Variants in CBFB observed in about 807,000 individuals in gnomAD.
CBFB encodes the protein core-binding factor subunit beta.
Under a neutral mutation model 30.4 loss-of-function variants are expected in CBFB, and 9 were observed. That is an observed-to-expected ratio of 0.30 (90% CI 0.18 to 0.52). The LOEUF (loss-of-function observed/expected upper bound fraction) is 0.52, where lower values mean the gene tolerates loss of function less well. Among genes scored for constraint, CBFB ranks in the 20% least tolerant of loss-of-function variants. The probability of loss-of-function intolerance (pLI) is 0.97; values close to 1 mark genes in which losing one functional copy is unlikely to be tolerated. For synonymous variants in CBFB, 94 were observed against 84.0 expected, an observed-to-expected ratio of 1.12 and a Z score of -0.65; for missense variants, 170 against 244.0, an observed-to-expected ratio of 0.70 and a Z score of 2.02.
chr16:67,041,027 C>G (rs914546732), intron 3 of CBFB, among the ~76,000 whole-genome samples: 17 of 152,162 alleles, frequency 1.1e-4, no homozygotes, highest in African/African-American at 3.9e-4. Context: ...TAACAATGAG[C>G]CAGTTCATGT....
intron 4 of CBFB, among the ~76,000 whole-genome samples, chr16:67,068,097 A>G (rs117299924): frequency 9.2e-5 from 14 of 152,296 alleles, no homozygotes; most frequent in Non-Finnish European, 1.9e-4. Flanking sequence ...AAGTCTGCTG[A>G]CTCAAGATGT....
intron 5 of CBFB, chr16:67,093,462 G>A (rs546476654): frequency 4.3e-5 from 6 of 138,594 alleles, no homozygotes; most frequent in Non-Finnish European, 9.0e-5. Flanking sequence ...CCCCCTCCTC[G>A]TGGCTGTTTC....
intron 3 of CBFB, among the ~76,000 whole-genome samples, chr16:67,051,857 C>T (rs141586685): frequency 1.3e-5 from 2 of 150,494 alleles, no homozygotes; most frequent in Non-Finnish European, 3.0e-5. Context: ...TTAAGCTATT[C>T]TCCTGCCTCA....
chr16:67,045,263 C>G (rs1168969212), intron 3 of CBFB, among the ~76,000 whole-genome samples: 1 of 152,082 alleles, frequency 6.6e-6, no homozygotes, highest in African/African-American at 2.4e-5. Context: ...TGCCTGTAAT[C>G]CCAGCACTTT....
intron 5 of CBFB, among the ~76,000 whole-genome samples, chr16:67,089,796 T>G (rs1342509190): frequency 6.6e-6 from 1 of 152,176 alleles, no homozygotes; most frequent in Admixed American, 6.5e-5. Flanking sequence ...CATATAGCAT[T>G]GAGAAAGTTG....
At chr16:67,032,565 C>G (rs544439887) in intron 2 of CBFB, among the ~76,000 whole-genome samples, 1 of 152,260 alleles carries the variant, frequency 6.6e-6, no homozygotes, top group East Asian at 1.9e-4. Context: ...ATTACAGGAT[C>G]CTTAGCTCCT....
chr16:67,092,698 C>CTCTTTTTTTTTTTTTTTTTTTTTTTT (rs1961925973), intron 5 of CBFB, among the ~76,000 whole-genome samples: 1 of 33,492 alleles, frequency 3.0e-5, no homozygotes, highest in African/African-American at 1.2e-4. Context: ...GTGGTGCAAT[C>CTCTTTTTTTTTTTTTTTTTTTTTTTT]TTTTTTTTTT....
chr16:67,029,941 A>C (rs1567601085), intron 2 of CBFB, 128 bp downstream of exon 2: 6 of 538,296 alleles, frequency 1.1e-5, no homozygotes, highest in Non-Finnish European at 1.5e-5. Flanking sequence ...CTCACTTCCT[A>C]CTCGGGATTC....
intron 3 of CBFB, among the ~76,000 whole-genome samples, chr16:67,041,100 T>C (rs1041910992): frequency 6.6e-6 from 1 of 152,262 alleles, no homozygotes; most frequent in African/African-American, 2.4e-5. Flanking sequence ...GGAATAGTTT[T>C]GAGTGTTTAG....
At chr16:67,053,327 C>G (rs1157881407) in intron 3 of CBFB, among the ~76,000 whole-genome samples, 1 of 146,912 alleles carries the variant, frequency 6.8e-6, no homozygotes, top group East Asian at 2.0e-4. Flanking sequence ...GATCTCGGCT[C>G]ACTGCAAGCT....
At chr16:67,051,910 T>TAC (rs1491126463) in intron 3 of CBFB, among the ~76,000 whole-genome samples, 2 of 128,850 alleles carry the variant, frequency 1.6e-5, no homozygotes, top group African/African-American at 3.9e-5. Context: ...TATATATGTG[T>TAC]ATACACACAC....
At chr16:67,029,652 C>G in intron 1 of CBFB, 75 bp from the exon 2 acceptor site, 1 of 1,410,384 alleles carries the variant, frequency 7.1e-7, no homozygotes, top group South Asian at 1.2e-5. Context: ...CCCTTATCGG[C>G]GCTGCGCTGG....
chr16:67,090,132 G>T (rs1474722342), intron 5 of CBFB, among the ~76,000 whole-genome samples: 1 of 152,136 alleles, frequency 6.6e-6, no homozygotes, highest in Non-Finnish European at 1.5e-5. Flanking sequence ...CAGTTACTGT[G>T]GGGATTGAGT....
chr16:67,062,895 A>C (rs1567614270), intron 3 of CBFB, among the ~76,000 whole-genome samples: 1 of 152,154 alleles, frequency 6.6e-6, no homozygotes, highest in Non-Finnish European at 1.5e-5. Flanking sequence ...ATCCAGTTCA[A>C]GTGGTGTAAA....
intron 5 of CBFB, among the ~76,000 whole-genome samples, chr16:67,094,400 A>G (rs180741931): frequency 1.3e-5 from 2 of 152,332 alleles, no homozygotes; most frequent in East Asian, 1.9e-4. Context: ...CTGTGCTTTT[A>G]TCAAAAATGT....
At chr16:67,061,755 G>A (rs1960917066) in intron 3 of CBFB, among the ~76,000 whole-genome samples, 1 of 152,096 alleles carries the variant, frequency 6.6e-6, no homozygotes, top group South Asian at 2.1e-4. Flanking sequence ...TTTCTGGCTG[G>A]GTGCGGTGAC....
chr16:67,050,333 T>C (rs1966718088), intron 3 of CBFB, among the ~76,000 whole-genome samples: 1 of 149,704 alleles, frequency 6.7e-6, no homozygotes, highest in Non-Finnish European at 1.5e-5. Flanking sequence ...CACACACATA[T>C]ATATGTATAT....
chr16:67,077,673 T>G (rs979847346), intron 4 of CBFB, among the ~76,000 whole-genome samples: 4 of 152,202 alleles, frequency 2.6e-5, no homozygotes, highest in African/African-American at 7.2e-5. Context: ...AAAAATTGAT[T>G]CTTAATTTTT....
chr16:67,071,783 A>G (rs551340952), intron 4 of CBFB, among the ~76,000 whole-genome samples: 86 of 152,294 alleles, frequency 5.6e-4, no homozygotes, highest in African/African-American at 2.0e-3. Flanking sequence ...ACAGTTCCTA[A>G]ACAAAGACTC....
Sources: allele counts gnomAD v4.1 joint callset (sites outside exome capture counted in the v4.1 genomes callset), GRCh38; gene constraint gnomAD v4.1.1; transcripts MANE v1.5; gene names NCBI Gene and HGNC (gene_info 2026-07-23, HGNC 2026-07-21).